TENM3: variants seen among roughly 807,000 people sequenced by gnomAD.
The protein encoded by TENM3 is teneurin transmembrane protein 3.
In TENM3, 63 loss-of-function variants were observed where a neutral mutation model predicts 255.1. The observed-to-expected ratio is 0.25, with a 90% CI of 0.20 to 0.30. The LOEUF (loss-of-function observed/expected upper bound fraction) is 0.30. Ranked by LOEUF, TENM3 falls within the 10% of genes least tolerant of loss-of-function variation. The probability of loss-of-function intolerance (pLI) is 1.00; values close to 1 mark genes in which losing one functional copy is unlikely to be tolerated. For missense variants in TENM3, 2,929 were observed against 3,461.1 expected, an observed-to-expected ratio of 0.85 and a Z score of 3.86; for synonymous variants, 1,306 against 1,322.3, an observed-to-expected ratio of 0.99 and a Z score of 0.27.
At chr4:182,054,004 G>A in the TENM3 span, among the ~76,000 whole-genome samples, 2 of 152,238 alleles carry the variant, frequency 1.3e-5, no homozygotes, top group African/African-American at 2.4e-5. Context: ...ATGATCAAAG[G>A]GAATGATGTC....
upstream of TENM3, among the ~76,000 whole-genome samples, chr4:182,240,884 T>A (rs1428124050): frequency 1.3e-5 from 2 of 152,230 alleles, no homozygotes; most frequent in Non-Finnish European, 2.9e-5. Context: ...CTATGTCCCC[T>A]CAGATCTGGC....
intron 22 of TENM3, among the ~76,000 whole-genome samples, chr4:182,771,696 C>G (rs1324113371): frequency 6.6e-6 from 1 of 152,170 alleles, no homozygotes; most frequent in African/African-American, 2.4e-5. Context: ...GCTGCTTGTT[C>G]TTAAATAAAC....
chr4:181,535,610 C>T, the TENM3 span, among the ~76,000 whole-genome samples: 1 of 152,192 alleles, frequency 6.6e-6, no homozygotes, highest in Non-Finnish European at 1.5e-5. Context: ...TTTATAATGG[C>T]TTACAAAGCC....
At chr4:182,230,228 A>C (rs1387934835) in intron 1 of TENM3, among the ~76,000 whole-genome samples, 1 of 151,808 alleles carries the variant, frequency 6.6e-6, no homozygotes, top group Non-Finnish European at 1.5e-5. Context: ...CTCCAGCCCC[A>C]AGCGAAGCCC....
the TENM3 span, among the ~76,000 whole-genome samples, chr4:181,674,339 C>T: frequency 6.6e-6 from 1 of 151,262 alleles, no homozygotes; most frequent in East Asian, 1.9e-4. Context: ...CTTACTACTG[C>T]AATAATAATC....
At chr4:182,294,910 C>T (rs1403614365) in intron 1 of TENM3, among the ~76,000 whole-genome samples, 7 of 152,080 alleles carry the variant, frequency 4.6e-5, no homozygotes, top group African/African-American at 1.4e-4. Flanking sequence ...GGTGCAATGC[C>T]TATTTTTGCT....
the TENM3 span, among the ~76,000 whole-genome samples, chr4:181,623,497 T>G: frequency 2.6e-5 from 4 of 152,238 alleles, no homozygotes; most frequent in Non-Finnish European, 5.9e-5. Context: ...GTATTTATTC[T>G]TTGTCATGTT....
chr4:182,120,516 A>G, the TENM3 span, among the ~76,000 whole-genome samples: 1 of 152,222 alleles, frequency 6.6e-6, no homozygotes, highest in Non-Finnish European at 1.5e-5. Flanking sequence ...GTATACATAT[A>G]TGTAACAAAT....
chr4:182,053,101 G>A, the TENM3 span, among the ~76,000 whole-genome samples: 2 of 152,096 alleles, frequency 1.3e-5, no homozygotes, highest in African/African-American at 2.4e-5. Context: ...CTACAAGTGA[G>A]TGCCACCTCT....
chr4:181,991,341 T>C, the TENM3 span, among the ~76,000 whole-genome samples: 1 of 152,122 alleles, frequency 6.6e-6, no homozygotes, highest in Non-Finnish European at 1.5e-5. Flanking sequence ...TCAGGTTCAA[T>C]ATGGATTCGC....
intron 3 of TENM3, among the ~76,000 whole-genome samples, chr4:182,558,197 C>T (rs953678742): frequency 2.0e-5 from 3 of 152,150 alleles, no homozygotes; most frequent in East Asian, 3.9e-4. Flanking sequence ...GTGCCTGTAG[C>T]GAAAACGCTT....
intron 1 of TENM3, among the ~76,000 whole-genome samples, chr4:182,230,814 A>ATATATG (rs1346063958): frequency 3.7e-4 from 10 of 27,052 alleles, no homozygotes; most frequent in Non-Finnish European, 5.0e-4. Context: ...TTCTCAAACT[A>ATATATG]TATATATATA....
chr4:181,796,373 G>C, the TENM3 span, among the ~76,000 whole-genome samples: 1 of 152,184 alleles, frequency 6.6e-6, no homozygotes, highest in Non-Finnish European at 1.5e-5. Context: ...TCAAAGAAAA[G>C]TTTGTGATGT....
intron 1 of TENM3, among the ~76,000 whole-genome samples, chr4:182,175,332 T>C (rs971721498): frequency 1.3e-4 from 20 of 148,660 alleles, no homozygotes; most frequent in Non-Finnish European, 2.2e-4. Flanking sequence ...TATATATATA[T>C]ATACACACAA....
intron 1 of TENM3, among the ~76,000 whole-genome samples, chr4:182,230,827 T>C (rs1262974883): frequency 5.6e-5 from 5 of 89,918 alleles, no homozygotes; most frequent in African/African-American, 1.8e-4. Context: ...TATATATATA[T>C]ATATATATAT....
At chr4:182,525,597 G>T (rs1287357943) in intron 3 of TENM3, among the ~76,000 whole-genome samples, 1 of 152,162 alleles carries the variant, frequency 6.6e-6, no homozygotes, top group Non-Finnish European at 1.5e-5. Flanking sequence ...CTATAGAGTT[G>T]TCCAGAACTG....
chr4:182,581,078 A>T (rs1185959504), intron 3 of TENM3, among the ~76,000 whole-genome samples: 1 of 152,148 alleles, frequency 6.6e-6, no homozygotes, highest in East Asian at 1.9e-4. Flanking sequence ...TGTACTTTTA[A>T]TTTTTTCCAG....
At chr4:181,641,306 G>A in the TENM3 span, among the ~76,000 whole-genome samples, 798 of 151,486 alleles carry the variant, frequency 5.3e-3, 10 homozygotes, top group African/African-American at 0.018. Flanking sequence ...CCTACATTAC[G>A]TATTTCTCCT....
At chr4:181,854,046 T>G in the TENM3 span, among the ~76,000 whole-genome samples, 1,523 of 152,320 alleles carry the variant, frequency 1.0e-2, 25 homozygotes, top group African/African-American at 0.035. Context: ...TAATAAGGGC[T>G]TTTAAAAATC....
Sources: gnomAD v4.1 joint callset for allele counts (sites outside exome capture counted in the v4.1 genomes callset) on GRCh38, gnomAD v4.1.1 for gene constraint, MANE v1.5 for transcripts, NCBI Gene and HGNC (gene_info 2026-07-23, HGNC 2026-07-21) for gene names.